Variants in MAF observed in about 807,000 individuals in gnomAD.
The protein encoded by MAF is MAF bZIP transcription factor.
MAF carries 10 observed loss-of-function variants against 22.0 expected under a neutral mutation model. The ratio of observed to expected loss-of-function variants is 0.45; its 90% CI spans 0.28 to 0.77. MAF has a LOEUF of 0.77. Ranked by LOEUF, MAF falls within the 30% of genes least tolerant of loss-of-function variation. MAF has a pLI of 0.12. For missense variants in MAF, 544 were observed against 548.4 expected (o/e 0.99, Z 0.08); for synonymous variants, 337 against 255.8 (o/e 1.32, Z -3.03).
chr16:79,419,458 G>T, the MAF span, among the ~76,000 whole-genome samples: 1,418 of 152,314 alleles, frequency 9.3e-3, 23 homozygotes, highest in African/African-American at 0.033. Flanking sequence ...TCTGTCCTCA[G>T]TCGCCTTACA....
At chr16:79,416,863 T>C in the MAF span, among the ~76,000 whole-genome samples, 4 of 152,230 alleles carry the variant, frequency 2.6e-5, no homozygotes, top group Non-Finnish European at 5.9e-5. Context: ...TGAAGTGTTA[T>C]ATAGTTTTAG....
the MAF span, among the ~76,000 whole-genome samples, chr16:79,256,775 C>G: frequency 3.9e-5 from 6 of 152,292 alleles, no homozygotes; most frequent in South Asian, 1.2e-3. Context: ...GAAATTTTGA[C>G]AGTACACATT....
At chr16:79,420,552 C>T in the MAF span, among the ~76,000 whole-genome samples, 4 of 152,080 alleles carry the variant, frequency 2.6e-5, no homozygotes, top group East Asian at 3.9e-4. Flanking sequence ...CCTCCCCCTA[C>T]GGCCTCCCCC....
chr16:79,377,281 T>A, the MAF span, among the ~76,000 whole-genome samples: 1 of 152,254 alleles, frequency 6.6e-6, no homozygotes, highest in African/African-American at 2.4e-5. Flanking sequence ...CCAGTGATGA[T>A]GATCAGCATT....
the MAF span, among the ~76,000 whole-genome samples, chr16:79,290,156 C>A: frequency 6.6e-6 from 1 of 152,110 alleles, no homozygotes; most frequent in Non-Finnish European, 1.5e-5. Flanking sequence ...TGTGCTCAGC[C>A]TGTATATCTT....
At chr16:79,554,122 CAAACAAAA>C in the MAF span, among the ~76,000 whole-genome samples, 24,414 of 105,200 alleles carry the variant, frequency 0.23, 2,139 homozygotes, top group Non-Finnish European at 0.29. Flanking sequence ...AACAAACAAA[CAAACAAAA>C]CCACCAAACC....
rs1912811080 is a variant in MAF at position 79,585,923 on chromosome 16, AGAGG to A, written c.1133_1136del (p.Ser378LeufsTer4). On this transcript the variant is annotated frameshift_variant, in exon 2 of 2. Coordinates refer to the MAF transcript ENST00000569649. LOFTEE classifies it high-confidence loss of function. ...CTGGATTTTTTCACATCACTGATGT[AGAGG>A]ATTCCCTTGGGTACCTGATTTAGTA... is the stretch of plus-strand genomic sequence containing the variant. 2 of 686,752 alleles carry A rather than the reference AGAGG, an allele frequency of 2.9e-6. No homozygotes were observed. The highest frequency in any genetic ancestry group is 3.5e-5 in the African/African-American group (2 of 56,372). 42.5% of individuals were successfully genotyped at this position (686,752 alleles called of 1,614,324 possible).
At chr16:79,225,853 G>A in the MAF span, among the ~76,000 whole-genome samples, 1 of 152,178 alleles carries the variant, frequency 6.6e-6, no homozygotes, top group South Asian at 2.1e-4. Context: ...CAGTTAGAAT[G>A]GTGATCATTA....
chr16:79,358,514 G>A, the MAF span, among the ~76,000 whole-genome samples: 3 of 152,188 alleles, frequency 2.0e-5, no homozygotes, highest in Admixed American at 6.5e-5. Context: ...GGCCTGGATA[G>A]CTCCCGGGGC....
chr16:79,481,740 G>T, the MAF span, among the ~76,000 whole-genome samples: 6 of 152,020 alleles, frequency 3.9e-5, no homozygotes, highest in East Asian at 1.9e-4. Flanking sequence ...ATCCATGCAG[G>T]TACTCACTTA....
the MAF span, among the ~76,000 whole-genome samples, chr16:79,283,015 A>C: frequency 6.6e-6 from 1 of 152,178 alleles, no homozygotes. Flanking sequence ...CAAATGTCAA[A>C]CCTGCACCTG....
chr16:79,461,410 AC>A, the MAF span, among the ~76,000 whole-genome samples: 1 of 152,040 alleles, frequency 6.6e-6, no homozygotes, highest in Admixed American at 6.6e-5. Flanking sequence ...AGTCTCCTTT[AC>A]CCGATGGCTC....
At chr16:79,332,222 T>C in the MAF span, among the ~76,000 whole-genome samples, 7 of 152,332 alleles carry the variant, frequency 4.6e-5, no homozygotes, top group East Asian at 1.2e-3. Flanking sequence ...ATCTATTCAC[T>C]CACCTGTGCA....
chr16:79,413,469 G>C, the MAF span, among the ~76,000 whole-genome samples: 2 of 149,390 alleles, frequency 1.3e-5, no homozygotes, highest in African/African-American at 2.5e-5. Flanking sequence ...TCCTGACCTC[G>C]TGATCCACCC....
At chr16:79,577,570 T>G in the MAF span, among the ~76,000 whole-genome samples, 15 of 152,176 alleles carry the variant, frequency 9.9e-5, no homozygotes, top group African/African-American at 3.6e-4. Context: ...ATGGAGGTTT[T>G]GGGTGACCTC....
At chr16:79,408,657 T>C in the MAF span, among the ~76,000 whole-genome samples, 1 of 152,066 alleles carries the variant, frequency 6.6e-6, no homozygotes, top group South Asian at 2.1e-4. Flanking sequence ...CTTTTCTTTT[T>C]TCACTTCCTT....
At chr16:79,230,662 A>G in the MAF span, among the ~76,000 whole-genome samples, 1 of 152,194 alleles carries the variant, frequency 6.6e-6, no homozygotes, top group Non-Finnish European at 1.5e-5. Context: ...ACTTGAAGAA[A>G]TTAACCAAGT....
At chr16:79,408,857 T>TG in the MAF span, among the ~76,000 whole-genome samples, 13 of 152,196 alleles carry the variant, frequency 8.5e-5, no homozygotes, top group South Asian at 2.1e-3. Context: ...AGAAATCAGA[T>TG]GGGGGGTCAT....
At chr16:79,584,999 C>T (rs1335276106), downstream of MAF, among the ~76,000 whole-genome samples, 1 of 152,054 alleles carries the variant, frequency 6.6e-6, no homozygotes, top group Non-Finnish European at 1.5e-5. Flanking sequence ...TTTTTGCCCC[C>T]CTCAGTTTCA....
Sources: gnomAD v4.1 joint callset for allele counts (sites outside exome capture counted in the v4.1 genomes callset) on GRCh38, gnomAD v4.1.1 for gene constraint, MANE v1.5 for transcripts, NCBI Gene and HGNC (gene_info 2026-07-23, HGNC 2026-07-21) for gene names.